RBPMS: variants seen among roughly 807,000 people sequenced by gnomAD.
RBPMS encodes the protein RNA-binding protein with multiple splicing.
Under a neutral mutation model 26.8 loss-of-function variants are expected in RBPMS, and 7 were observed. The ratio of observed to expected loss-of-function variants is 0.26; its 90% CI spans 0.15 to 0.49. The LOEUF (loss-of-function observed/expected upper bound fraction) is 0.49, where lower values mean the gene tolerates loss of function less well. Among genes scored for constraint, RBPMS ranks in the 20% least tolerant of loss-of-function variants. RBPMS has a pLI of 0.98. For synonymous variants in RBPMS, 96 were observed against 93.3 expected, an observed-to-expected ratio of 1.03 and a Z score of -0.17; for missense variants, 186 against 250.0, an observed-to-expected ratio of 0.74 and a Z score of 1.73.
At chr8:30,464,847 T>A (rs891706150) in intron 1 of RBPMS, among the ~76,000 whole-genome samples, 1 of 152,228 alleles carries the variant, frequency 6.6e-6, no homozygotes, top group Non-Finnish European at 1.5e-5. Context: ...AAGTCTTTAT[T>A]GTGGTGATCA....
intron 5 of RBPMS, among the ~76,000 whole-genome samples, chr8:30,512,737 C>G (rs1368849499): frequency 6.6e-6 from 1 of 152,188 alleles, no homozygotes; most frequent in Non-Finnish European, 1.5e-5. Context: ...CTGCACCTGG[C>G]CACTGACCAT....
intron 6 of RBPMS, among the ~76,000 whole-genome samples, chr8:30,555,360 T>C (rs1370443291): frequency 6.6e-6 from 1 of 152,264 alleles, no homozygotes; most frequent in Admixed American, 6.5e-5. Flanking sequence ...TGTTAAGTTC[T>C]AGTGGAGAAG....
intron 1 of RBPMS, among the ~76,000 whole-genome samples, chr8:30,450,810 A>AAAAAAG (rs59040656): frequency 1.5e-5 from 2 of 137,782 alleles, no homozygotes; most frequent in South Asian, 2.4e-4. Flanking sequence ...AAAAAAAAAA[A>AAAAAAG]GTGTGTTTTT....
At chr8:30,566,133 T>G (rs147505798) in intron 7 of RBPMS, 124 bp from the exon 8 acceptor site, 2 of 299,248 alleles carry the variant, frequency 6.7e-6, no homozygotes, top group East Asian at 3.5e-4. Flanking sequence ...GCAGAGGCCT[T>G]TGATCTCTTT....
chr8:30,453,394 CATTA>C (rs964962408), intron 1 of RBPMS, among the ~76,000 whole-genome samples: 27 of 152,250 alleles, frequency 1.8e-4, no homozygotes, highest in Admixed American at 1.7e-3. Context: ...AGGAAGCACT[CATTA>C]ATTAATCACT....
intron 6 of RBPMS, chr8:30,552,578 A>G (rs1254529859): frequency 6.6e-6 from 1 of 152,238 alleles, no homozygotes; most frequent in Admixed American, 6.5e-5. Context: ...GATAGCAAAC[A>G]TAGTTAAAAA....
intron 6 of RBPMS, chr8:30,558,095 C>T (rs1441979312): frequency 6.6e-6 from 1 of 152,224 alleles, no homozygotes; most frequent in African/African-American, 2.4e-5. Context: ...AACTCCTGAC[C>T]TTAGGTGATC....
At position 30,453,838 on chromosome 8, in the gene RBPMS, T is replaced by C. The variant is rs189035929; in HGVS notation, c.67-20941T>C. 5.3e-5 allele frequency: 8 copies of C among 152,298 alleles called. No individual in the cohort carries two copies. The East Asian group carries it at 1.5e-3, about 29-fold the overall frequency. 9.4% of individuals were successfully genotyped at this position (152,298 alleles called of 1,614,324 possible). A position where few individuals can be genotyped will look rare whatever the true frequency, so the allele number is the denominator to read the frequency against. ...CAATTGAATGTTATTTGTATGTTTT[T>C]TTAAAACTAGAAAACCTTCCTGTGG... On this transcript the variant is annotated intron_variant, in intron 1 of 8. Transcript: ENST00000397323.
chr8:30,512,072 GTCTC>G (rs1488377865), intron 5 of RBPMS, among the ~76,000 whole-genome samples: 2 of 152,168 alleles, frequency 1.3e-5, no homozygotes, highest in Non-Finnish European at 2.9e-5. Context: ...AAGTCAGTCA[GTCTC>G]TCTCTGTTTT....
chr8:30,425,969 T>G (rs991152442), intron 1 of RBPMS, among the ~76,000 whole-genome samples: 4 of 152,010 alleles, frequency 2.6e-5, no homozygotes, highest in African/African-American at 7.2e-5. Context: ...ATCGATGGTG[T>G]TGTTCTTAAC....
chr8:30,569,116 G>A (rs2083847661), intron 8 of RBPMS, among the ~76,000 whole-genome samples: 2 of 152,314 alleles, frequency 1.3e-5, no homozygotes, highest in South Asian at 4.1e-4. Context: ...TGGAGGCTCA[G>A]GGTGCCCCTG....
intron 1 of RBPMS, chr8:30,442,916 C>T (rs1456347642): frequency 6.6e-6 from 1 of 152,190 alleles, no homozygotes; most frequent in Non-Finnish European, 1.5e-5. Context: ...TATAGAAAGA[C>T]TTGGCGATAA....
intron 4 of RBPMS, among the ~76,000 whole-genome samples, chr8:30,502,770 C>T (rs1277763616): frequency 6.6e-6 from 1 of 152,198 alleles, no homozygotes; most frequent in Non-Finnish European, 1.5e-5. Context: ...TCCTTTGTGA[C>T]CTCACCCCAG....
intron 5 of RBPMS, among the ~76,000 whole-genome samples, chr8:30,530,821 G>C (rs1277312279): frequency 6.6e-6 from 1 of 152,074 alleles, no homozygotes; most frequent in Non-Finnish European, 1.5e-5. Context: ...TATGAGAATA[G>C]GTACTACTAC....
chr8:30,417,561 A>C (rs1810241943), intron 1 of RBPMS, among the ~76,000 whole-genome samples: 1 of 152,262 alleles, frequency 6.6e-6, no homozygotes, highest in African/African-American at 2.4e-5. Flanking sequence ...AAGTACATCC[A>C]GTAAACAATG....
rs1442176740 is a variant in RBPMS, at chr8:30,465,134, A to G, written c.67-9645A>G. 5.9e-5 allele frequency among the ~76,000 whole-genome samples: 9 copies of G among 152,350 alleles called. No homozygotes were observed. In the East Asian group the frequency reaches 1.5e-3, roughly 26 times the overall value. On this transcript the variant is annotated intron_variant, in intron 1 of 8. Coordinates refer to ENST00000397323, the MANE Select transcript of RBPMS (RefSeq NM_001008710.3). ...TTAAGGGATGAAGCATCCTGCCTTT[A>G]TAAGGAACTTCTTGTTGAACTCTAA...
intron 1 of RBPMS, among the ~76,000 whole-genome samples, chr8:30,443,816 C>G (rs893374531): frequency 1.3e-5 from 2 of 152,052 alleles, no homozygotes; most frequent in African/African-American, 4.8e-5. Context: ...GGGATGGTCT[C>G]CATCTCTTGA....
intron 6 of RBPMS, chr8:30,556,047 G>T (rs1826876168): frequency 2.0e-6 from 2 of 985,446 alleles, no homozygotes; most frequent in African/African-American, 3.5e-5. Context: ...GGGCGCAGCG[G>T]AGCCTCTCAG....
intron 1 of RBPMS, among the ~76,000 whole-genome samples, chr8:30,386,592 G>C (rs181357139): frequency 1.3e-5 from 2 of 152,298 alleles, no homozygotes; most frequent in Admixed American, 1.3e-4. Flanking sequence ...CAAAGCGATG[G>C]AGAGTTGAAT....
Sources: gnomAD v4.1 joint callset for allele counts (sites outside exome capture counted in the v4.1 genomes callset) on GRCh38, gnomAD v4.1.1 for gene constraint, MANE v1.5 for transcripts, NCBI Gene and HGNC (gene_info 2026-07-23, HGNC 2026-07-21) for gene names.